The following PTPRD variants were observed in gnomAD, a reference collection of about 807,000 sequenced individuals.
PTPRD encodes the protein protein tyrosine phosphatase receptor type D, also known as receptor-type tyrosine-protein phosphatase delta.
In PTPRD, 34 loss-of-function variants were observed where a neutral mutation model predicts 214.5. The observed-to-expected ratio is 0.16, with a 90% CI of 0.12 to 0.21. PTPRD has a LOEUF of 0.21. PTPRD is among the 10% of genes least tolerant of loss of function. PTPRD has a pLI of 1.00. For synonymous variants in PTPRD, 1,128 were observed against 845.7 expected, an observed-to-expected ratio of 1.33 and a Z score of -5.79; for missense variants, 2,545 against 2,398.7, an observed-to-expected ratio of 1.06 and a Z score of -1.27.
At chr9:8,854,020 A>G (rs2097864954) in intron 11 of PTPRD, among the ~76,000 whole-genome samples, 1 of 152,192 alleles carries the variant, frequency 6.6e-6, no homozygotes, top group South Asian at 2.1e-4. Context: ...TACTCTGGGA[A>G]AACTGGATAA....
At position 9,505,915 on chromosome 9, in the gene PTPRD, C is replaced by A. The variant is rs1051579147; in HGVS notation, c.-237+68817G>T. On this transcript the variant is annotated intron_variant, in intron 8 of 45. Coordinates refer to ENST00000381196, the MANE Select transcript of PTPRD (RefSeq NM_002839.4). ...GACGGGACAATCACCAATAAACATCCAACTCTTAAATCGGAAATACTCTCT... is the reference window on the plus strand; with the variant it reads ...GACGGGACAATCACCAATAAACATCAAACTCTTAAATCGGAAATACTCTCT... Among the ~76,000 whole-genome samples the A allele has an allele frequency of 2.0e-5, 3 of 151,280 alleles. No individual in the cohort carries two copies. In the Admixed American group the frequency reaches 2.0e-4, roughly 10 times the overall value.
At chr9:8,973,284 T>A (rs1414780532) in intron 11 of PTPRD, among the ~76,000 whole-genome samples, 1 of 151,966 alleles carries the variant, frequency 6.6e-6, no homozygotes, top group Non-Finnish European at 1.5e-5. Context: ...GCGCTCAATG[T>A]TTAGCTCCCA....
At chr9:10,089,795 G>A (rs1162726392) in intron 3 of PTPRD, among the ~76,000 whole-genome samples, 1 of 151,562 alleles carries the variant, frequency 6.6e-6, no homozygotes, top group Non-Finnish European at 1.5e-5. Flanking sequence ...AATGAACTAG[G>A]TGACGGGCAT....
chr9:9,650,241 A>G (rs2096300370), intron 7 of PTPRD, among the ~76,000 whole-genome samples: 2 of 152,168 alleles, frequency 1.3e-5, no homozygotes. Flanking sequence ...TGCCATAATT[A>G]TAAGCTTCCT....
intron 8 of PTPRD, among the ~76,000 whole-genome samples, chr9:9,412,414 G>A (rs1352439070): frequency 6.6e-6 from 1 of 152,104 alleles, no homozygotes; most frequent in Non-Finnish European, 1.5e-5. Flanking sequence ...CAGCCACTGT[G>A]GTTGCCTTCC....
intron 3 of PTPRD, among the ~76,000 whole-genome samples, chr9:10,068,821 T>G (rs2097934804): frequency 6.6e-6 from 1 of 151,922 alleles, no homozygotes; most frequent in Non-Finnish European, 1.5e-5. Flanking sequence ...TTTTTTTCAC[T>G]CTGTTTAGTA....
At chr9:10,155,347 G>A in intron 3 of PTPRD, among the ~76,000 whole-genome samples, 1 of 151,960 alleles carries the variant, frequency 6.6e-6, no homozygotes, top group East Asian at 1.9e-4. Flanking sequence ...GGAGCTTTTG[G>A]AACAAGACTA....
At chr9:9,822,243 T>G (rs369567038) in intron 5 of PTPRD, among the ~76,000 whole-genome samples, 1 of 150,746 alleles carries the variant, frequency 6.6e-6, no homozygotes, top group African/African-American at 2.4e-5. Context: ...AAACCCCTTC[T>G]CTACTAAAAG....
chr9:9,431,285 C>A (rs1311322480), intron 8 of PTPRD, among the ~76,000 whole-genome samples: 1 of 152,146 alleles, frequency 6.6e-6, no homozygotes, highest in African/African-American at 2.4e-5. Flanking sequence ...CTTATGCAGT[C>A]AACAGACACA....
chr9:9,306,716 G>C (rs1595524077), intron 9 of PTPRD, among the ~76,000 whole-genome samples: 1 of 151,946 alleles, frequency 6.6e-6, no homozygotes, highest in Admixed American at 6.6e-5. Context: ...ATGCATTCTT[G>C]GTCATGAATT....
chr9:9,259,959 G>C (rs758864100), intron 9 of PTPRD, among the ~76,000 whole-genome samples: 3 of 151,890 alleles, frequency 2.0e-5, no homozygotes, highest in Non-Finnish European at 2.9e-5. Context: ...ACAATGCTTA[G>C]TGACTTCTGA....
At chr9:8,407,841 C>G (rs546533453) in intron 35 of PTPRD, among the ~76,000 whole-genome samples, 1 of 152,090 alleles carries the variant, frequency 6.6e-6, no homozygotes, top group Admixed American at 6.6e-5. Context: ...TCTGACTGAA[C>G]GTTTAACAAA....
chr9:8,462,555 C>T (rs1485621880), intron 32 of PTPRD, among the ~76,000 whole-genome samples: 2 of 151,986 alleles, frequency 1.3e-5, no homozygotes, highest in Non-Finnish European at 2.9e-5. Flanking sequence ...CGACACACAA[C>T]ACATTCCATC....
chr9:8,642,574 A>T (rs1320499858), intron 12 of PTPRD, among the ~76,000 whole-genome samples: 1 of 152,114 alleles, frequency 6.6e-6, no homozygotes, highest in Non-Finnish European at 1.5e-5. Context: ...TTTCTCTGTA[A>T]GCGTCAGGAT....
intron 8 of PTPRD, among the ~76,000 whole-genome samples, chr9:9,422,462 G>A (rs1022217710): frequency 2.6e-5 from 4 of 152,070 alleles, no homozygotes; most frequent in African/African-American, 9.7e-5. Flanking sequence ...AGACAAAGAA[G>A]CATTTTTTTA....
intron 44 of PTPRD, among the ~76,000 whole-genome samples, chr9:8,329,666 G>C (rs929619322): frequency 1.3e-5 from 2 of 152,012 alleles, no homozygotes; most frequent in African/African-American, 4.8e-5. Flanking sequence ...GGTTTTATCT[G>C]TAAGTAAGTC....
intron 10 of PTPRD, among the ~76,000 whole-genome samples, chr9:9,031,496 G>T (rs915143829): frequency 1.3e-5 from 2 of 151,950 alleles, no homozygotes; most frequent in Admixed American, 1.3e-4. Flanking sequence ...CAGAATATTT[G>T]TGTATCTAAA....
At chr9:10,031,752 A>AT (rs888849152) in intron 4 of PTPRD, among the ~76,000 whole-genome samples, 14 of 150,160 alleles carry the variant, frequency 9.3e-5, no homozygotes, top group East Asian at 3.9e-4. Context: ...AGCAGAGCCT[A>AT]TTTTTTTTAT....
chr9:9,818,992 C>G (rs1045488199), intron 5 of PTPRD, among the ~76,000 whole-genome samples: 1 of 150,606 alleles, frequency 6.6e-6, no homozygotes, highest in Admixed American at 6.6e-5. Flanking sequence ...AAAGATTTAT[C>G]ATTTTCTCAT....
Sources: allele counts gnomAD v4.1 joint callset (sites outside exome capture counted in the v4.1 genomes callset), GRCh38; gene constraint gnomAD v4.1.1; transcripts MANE v1.5; gene names NCBI Gene and HGNC (gene_info 2026-07-23, HGNC 2026-07-21).